ADGRL3: variants seen among roughly 807,000 people sequenced by gnomAD.
The protein encoded by ADGRL3 is adhesion G protein-coupled receptor L3.
Under a neutral mutation model 153.5 loss-of-function variants are expected in ADGRL3, and 62 were observed. The observed-to-expected ratio is 0.40, with a 90% CI of 0.33 to 0.50. The LOEUF (loss-of-function observed/expected upper bound fraction) is 0.50, where lower values mean the gene tolerates loss of function less well. Ranked by LOEUF, ADGRL3 falls within the 20% of genes least tolerant of loss-of-function variation. The probability of loss-of-function intolerance (pLI) is 0.47; values close to 1 mark genes in which losing one functional copy is unlikely to be tolerated. For missense variants in ADGRL3, 1,641 were observed against 1,859.4 expected (o/e 0.88, Z 2.16); for synonymous variants, 710 against 672.5 (o/e 1.06, Z -0.86).
At chr4:61,652,241 T>C (rs17090518) in intron 5 of ADGRL3, among the ~76,000 whole-genome samples, 2,470 of 152,254 alleles carry the variant, frequency 0.016, 74 homozygotes, top group African/African-American at 0.056. Flanking sequence ...GAGTGCAAAG[T>C]TTTATAATTA....
intron 4 of ADGRL3, among the ~76,000 whole-genome samples, chr4:61,580,414 C>T (rs1487269984): frequency 2.0e-5 from 3 of 151,912 alleles, no homozygotes; most frequent in Non-Finnish European, 4.4e-5. Context: ...ACTATTTGTA[C>T]GATCATTCAT....
At chr4:62,027,902 G>A (rs889026282) in intron 21 of ADGRL3, among the ~76,000 whole-genome samples, 1 of 151,880 alleles carries the variant, frequency 6.6e-6, no homozygotes, top group Non-Finnish European at 1.5e-5. Context: ...GTAAGTGGCT[G>A]AGCTAGGATG....
chr4:61,802,320 T>C (rs1580896244), intron 8 of ADGRL3, among the ~76,000 whole-genome samples: 3 of 152,280 alleles, frequency 2.0e-5, no homozygotes, highest in Admixed American at 6.5e-5. Context: ...AAATAAGGAA[T>C]TTAATCTCTC....
At chr4:61,540,268 G>T (rs1013357148) in intron 4 of ADGRL3, among the ~76,000 whole-genome samples, 1 of 152,168 alleles carries the variant, frequency 6.6e-6, no homozygotes, top group Non-Finnish European at 1.5e-5. Flanking sequence ...GTGGAAATCT[G>T]CCAGGCGTGG....
intron 4 of ADGRL3, among the ~76,000 whole-genome samples, chr4:61,536,372 G>A (rs11725619): frequency 0.21 from 32,358 of 151,962 alleles, 3,674 homozygotes; most frequent in Admixed American, 0.3. Context: ...GTTGGGTAGA[G>A]TGTTCTGTAG....
chr4:61,869,326 C>T (rs953635868), intron 9 of ADGRL3, among the ~76,000 whole-genome samples: 3 of 152,018 alleles, frequency 2.0e-5, no homozygotes, highest in South Asian at 2.1e-4. Flanking sequence ...AGGCCGGGCG[C>T]GGTGGCTCAC....
At position 61,749,646 on chromosome 4, in the gene ADGRL3, G is replaced by A. The variant is rs193031794; in HGVS notation, c.1399+16092G>A. Among the ~76,000 whole-genome samples, 125 of 152,168 alleles carry A rather than the reference G, an allele frequency of 8.2e-4. 1 individual carries two copies. The highest frequency in any genetic ancestry group is 5.0e-3 in the South Asian group (24 of 4,818). Reference sequence around the variant, plus strand: ...ACACTGCATATTCTCATTCATAGGTGGGAATTGAACAATGAGAACACATGG... The same window carrying A: ...ACACTGCATATTCTCATTCATAGGTAGGAATTGAACAATGAGAACACATGG... On this transcript the variant is annotated intron_variant, in intron 8 of 26. Transcript: ENST00000683033.
rs149111092 is a variant in ADGRL3 at position 61,471,291 on chromosome 4, T to C, written c.-173-25830T>C. Among the ~76,000 whole-genome samples the C allele has an allele frequency of 6.6e-4, 101 of 151,900 alleles. No individual in the cohort carries two copies. The East Asian group carries it at 0.016, about 24-fold the overall frequency. ...AAAGCCTCCTCTATATTGACTTATCTTTACATGTAATAGTAGTATCCAATT... is the reference window on the plus strand; with the variant it reads ...AAAGCCTCCTCTATATTGACTTATCCTTACATGTAATAGTAGTATCCAATT... On this transcript the variant is annotated intron_variant, in intron 2 of 26. Transcript: ENST00000683033.
At chr4:61,487,044 C>T (rs2098203071) in intron 2 of ADGRL3, among the ~76,000 whole-genome samples, 1 of 152,164 alleles carries the variant, frequency 6.6e-6, no homozygotes, top group African/African-American at 2.4e-5. Context: ...TAGTGTATAG[C>T]TATACTCTAG....
chr4:61,387,112 G>C (rs574503012), intron 2 of ADGRL3, among the ~76,000 whole-genome samples: 3 of 152,200 alleles, frequency 2.0e-5, no homozygotes, highest in Non-Finnish European at 2.9e-5. Flanking sequence ...TGGGCATCTG[G>C]GGGAGACATC....
At chr4:61,735,332 T>G (rs2151847357) in intron 8 of ADGRL3, among the ~76,000 whole-genome samples, 1 of 152,354 alleles carries the variant, frequency 6.6e-6, no homozygotes, top group African/African-American at 2.4e-5. Context: ...TCAGCAATGC[T>G]GATATTACGT....
chr4:61,978,237 A>G (rs1044701224), intron 17 of ADGRL3, among the ~76,000 whole-genome samples: 1 of 152,064 alleles, frequency 6.6e-6, no homozygotes, highest in Non-Finnish European at 1.5e-5. Flanking sequence ...ACTTTTACCA[A>G]TTTTGCATAC....
chr4:62,029,727 C>T (rs1329392545), intron 22 of ADGRL3, among the ~76,000 whole-genome samples: 3 of 144,536 alleles, frequency 2.1e-5, no homozygotes, highest in African/African-American at 7.6e-5. Flanking sequence ...TTTTAGAAAT[C>T]GGGGCTCATT....
chr4:61,456,334 C>A (rs2097735735), intron 2 of ADGRL3, among the ~76,000 whole-genome samples: 1 of 144,304 alleles, frequency 6.9e-6, no homozygotes, highest in Admixed American at 7.0e-5. Flanking sequence ...TAATAATAAA[C>A]CAGATATTTG....
chr4:61,509,386 C>T (rs1423010247), intron 3 of ADGRL3, among the ~76,000 whole-genome samples: 1 of 152,112 alleles, frequency 6.6e-6, no homozygotes, highest in Non-Finnish European at 1.5e-5. Flanking sequence ...CCTCAGCCTC[C>T]CAAAGTGCTG....
chr4:61,646,240 CT>C (rs1159815910), intron 5 of ADGRL3, among the ~76,000 whole-genome samples: 1 of 152,076 alleles, frequency 6.6e-6, no homozygotes, highest in African/African-American at 2.4e-5. Flanking sequence ...ATGTCCTCCC[CT>C]AGCTCGGAGT....
intron 4 of ADGRL3, among the ~76,000 whole-genome samples, chr4:61,528,320 G>A (rs1421305674): frequency 6.6e-6 from 1 of 151,690 alleles, no homozygotes; most frequent in African/African-American, 2.4e-5. Context: ...ACTTCCTCTG[G>A]GAAGTCTTTC....
At chr4:61,529,213 T>G (rs1213936664) in intron 4 of ADGRL3, among the ~76,000 whole-genome samples, 1 of 152,178 alleles carries the variant, frequency 6.6e-6, no homozygotes, top group Non-Finnish European at 1.5e-5. Flanking sequence ...ACTAAGTTAC[T>G]CTCTATTCTA....
intron 2 of ADGRL3, among the ~76,000 whole-genome samples, chr4:61,433,061 A>T (rs1001023107): frequency 1.6e-4 from 25 of 152,206 alleles, no homozygotes; most frequent in Non-Finnish European, 2.8e-4. Context: ...GCCCCTGGGC[A>T]TCACTATGCA....
Sources: allele counts gnomAD v4.1 joint callset (sites outside exome capture counted in the v4.1 genomes callset), GRCh38; gene constraint gnomAD v4.1.1; transcripts MANE v1.5; gene names NCBI Gene and HGNC (gene_info 2026-07-23, HGNC 2026-07-21).